The following CFAP46 variants were observed in gnomAD, a reference collection of about 807,000 sequenced individuals.
The protein encoded by CFAP46 is cilia and flagella associated protein 46.
A neutral mutation model predicts 325.7 loss-of-function variants in CFAP46; 245 were observed. The ratio of observed to expected loss-of-function variants is 0.75; its 90% CI spans 0.68 to 0.84. The LOEUF is 0.84. Ranked by LOEUF, CFAP46 falls within the 40% of genes least tolerant of loss-of-function variation. The pLI is 0.00. For synonymous variants in CFAP46, 1,523 were observed against 1,495.9 expected (o/e 1.02, Z -0.42); for missense variants, 3,346 against 3,543.0 (o/e 0.94, Z 1.41).
Position 132,827,553 on chromosome 10 carries a change from G to A in CFAP46, c.7117+5805C>T, listed in dbSNP as rs1187849531. Among the ~76,000 whole-genome samples the A allele has an allele frequency of 3.9e-5, 6 of 152,018 alleles. No individual in the cohort carries two copies. Among genetic ancestry groups the A allele is most frequent in the Non-Finnish European group, 8.8e-5 (6 of 68,032 alleles). On this transcript the variant is annotated intron_variant, in intron 50 of 57. Transcript: ENST00000368586. The surrounding 1 kb of genome is among the most constrained non-coding windows in gnomAD (Gnocchi z 5.7). ...CCACGAGGCCTTGGGGTCACAGGAAGGCTCGGAGTGCCAGAGTACAGAGTC... is the reference window on the plus strand; with the variant it reads ...CCACGAGGCCTTGGGGTCACAGGAAAGCTCGGAGTGCCAGAGTACAGAGTC...
chr10:132,842,301 C>T (rs370710248), intron 44 of CFAP46, among the ~76,000 whole-genome samples: 145 of 152,320 alleles, frequency 9.5e-4, no homozygotes, highest in South Asian at 8.3e-3. Context: ...TAATTTATGA[C>T]GAGGCTGGCC....
At chr10:132,858,594 C>G (rs940681996) in intron 38 of CFAP46, among the ~76,000 whole-genome samples, 1 of 152,052 alleles carries the variant, frequency 6.6e-6, no homozygotes, top group Non-Finnish European at 1.5e-5. Context: ...ATGCCGTCTG[C>G]GGCCGCGCTA....
chr10:132,810,339 G>T, intron 57 of CFAP46, 70 bp downstream of exon 57: 1 of 1,296,884 alleles, frequency 7.7e-7, no homozygotes, highest in Non-Finnish European at 1.1e-6. Context: ...GCTGTGCAGT[G>T]CACGTGCCCC....
chr10:132,881,834 C>G lies in CFAP46; in HGVS notation c.3628-802G>C, dbSNP rs146722686. On this transcript the variant is annotated intron_variant, in intron 27 of 57. Transcript: ENST00000368586. The stretch of plus-strand genomic sequence containing the variant: ...TTTCTGCTGTCAAATATCTGTGGCT[C>G]TCTGAGCGCTGGCCCATGCCACTTA... Among the ~76,000 whole-genome samples the G allele has an allele frequency of 9.2e-3, 1,408 of 152,388 alleles. 12 individuals are homozygous for G. The highest frequency in any genetic ancestry group is 0.043 in the South Asian group (209 of 4,830).
intron 24 of CFAP46, among the ~76,000 whole-genome samples, chr10:132,897,957 C>T (rs1849340321): frequency 1.3e-5 from 2 of 150,134 alleles, no homozygotes; most frequent in Admixed American, 6.6e-5. Context: ...TCTGTAGCCG[C>T]ACCCACTGTC....
In CFAP46 at chr10:132,822,134, CTGTG is replaced by C. The variant is rs1189840776; in HGVS notation, c.7118-7224_7118-7221del. 1.3e-3 allele frequency among the ~76,000 whole-genome samples: 151 copies of C among 113,710 alleles called. 4 individuals carry two copies. In the East Asian group the frequency reaches 0.042, roughly 31 times the overall value. The allele number at this position is 113,710 out of a possible 152,430, so 74.6% of individuals were successfully genotyped here. On this transcript the variant is annotated intron_variant, in intron 50 of 57. Coordinates refer to ENST00000368586, the MANE Select transcript of CFAP46 (RefSeq NM_001200049.3). ...TGTGCTGTGTGTGCACTTGTGTGTGCTGTGTGTGTGCTGATGTGTGCTGTGTGCT... is the reference window on the plus strand; with the variant it reads ...TGTGCTGTGTGTGCACTTGTGTGTGCTGTGTGCTGATGTGTGCTGTGTGCT...
chr10:132,888,277 C>G (rs1481477065), intron 25 of CFAP46, among the ~76,000 whole-genome samples: 2 of 151,592 alleles, frequency 1.3e-5, no homozygotes, highest in Non-Finnish European at 2.9e-5. Context: ...CCTCACCTGG[C>G]TCCCATCCTG....
intron 8 of CFAP46, among the ~76,000 whole-genome samples, chr10:132,933,279 C>T (rs1050612631): frequency 1.3e-5 from 2 of 152,240 alleles, no homozygotes; most frequent in Non-Finnish European, 2.9e-5. Flanking sequence ...CTGGCCTCTC[C>T]GTCCTACCTG....
chr10:132,922,519 A>G lies in CFAP46; in HGVS notation c.1446T>C (p.Pro482=), dbSNP rs1185115738. 1.3e-6 allele frequency: 2 copies of G among 1,546,142 alleles called. No individual in the cohort carries two copies. Among genetic ancestry groups the G allele is most frequent in the Admixed American group, 3.9e-5 (2 of 50,980 alleles). Residue 482 remains proline, a synonymous_variant, in exon 12 of 58, where the codon CCT becomes CCC. Coordinates refer to ENST00000368586, the MANE Select transcript of CFAP46 (RefSeq NM_001200049.3). ...LRLCTTLYQA[P]ERAEDKAIMA... is the part of the protein sequence containing the mutation. ...TGATGGCCTTGTCCTCTGCGCGCTC[A>G]GGGGCCTGGTATAGCGTGGTGCACA...
intron 50 of CFAP46, among the ~76,000 whole-genome samples, chr10:132,831,220 C>CTGTG (rs56965336): frequency 0.45 from 66,896 of 147,966 alleles, 15,190 homozygotes; most frequent in Admixed American, 0.58. Context: ...GTCAAATGTT[C>CTGTG]TGTGTGTGTG....
chr10:132,904,599 G>A (rs545407579), intron 22 of CFAP46, among the ~76,000 whole-genome samples: 1 of 152,182 alleles, frequency 6.6e-6, no homozygotes, highest in Non-Finnish European at 1.5e-5. Flanking sequence ...GCAGTGGCAC[G>A]GCCAGGGCGC....
At chr10:132,935,716 T>C (rs1296506508) in intron 7 of CFAP46, among the ~76,000 whole-genome samples, 6 of 110,144 alleles carry the variant, frequency 5.4e-5, no homozygotes, top group South Asian at 3.2e-4. Flanking sequence ...ATCTCCTCAC[T>C]CCCCTCGGCA....
intron 26 of CFAP46, 127 bp from the exon 27 acceptor site, chr10:132,885,413 G>C: frequency 2.0e-6 from 2 of 982,044 alleles, no homozygotes; most frequent in Non-Finnish European, 1.5e-6. Context: ...GAGCCCAGGT[G>C]AGCGGGGGTC....
At chr10:132,880,118 A>ATGTG (rs142292189) in intron 28 of CFAP46, among the ~76,000 whole-genome samples, 548 of 150,640 alleles carry the variant, frequency 3.6e-3, no homozygotes, top group African/African-American at 8.0e-3. Context: ...GTGTGCATGT[A>ATGTG]TGTGTGTGTG....
chr10:132,907,570 A>C (rs1161387805), intron 22 of CFAP46, among the ~76,000 whole-genome samples: 2 of 152,182 alleles, frequency 1.3e-5, no homozygotes, highest in African/African-American at 4.8e-5. Flanking sequence ...ATATCTGTCT[A>C]TTCAAAATTA....
chr10:132,824,662 T>C, intron 50 of CFAP46, among the ~76,000 whole-genome samples: 2 of 109,546 alleles, frequency 1.8e-5, no homozygotes, highest in Admixed American at 1.9e-4. Flanking sequence ...TGCTGTGTGC[T>C]GACGTGTGCT....
chr10:132,852,570 A>G (rs1472840593), intron 39 of CFAP46, among the ~76,000 whole-genome samples: 1 of 151,804 alleles, frequency 6.6e-6, no homozygotes, highest in Non-Finnish European at 1.5e-5. Context: ...ATGTTTCTCT[A>G]TTTACTTAGC....
chr10:132,818,910 A>G (rs988153201), intron 50 of CFAP46, among the ~76,000 whole-genome samples: 2 of 152,090 alleles, frequency 1.3e-5, no homozygotes, highest in African/African-American at 4.8e-5. Flanking sequence ...AGAAAAAAAG[A>G]TGTGAAATTA....
At chr10:132,917,260 T>C (rs959814117) in intron 16 of CFAP46, among the ~76,000 whole-genome samples, 8 of 152,264 alleles carry the variant, frequency 5.3e-5, no homozygotes, top group Non-Finnish European at 1.2e-4. Flanking sequence ...CCAGGGCTGA[T>C]GGCCACGCAC....
Sources: gnomAD v4.1 joint callset for allele counts (sites outside exome capture counted in the v4.1 genomes callset) on GRCh38, gnomAD v4.1.1 for gene constraint, Gnocchi (gnomAD v3.1) non-coding constraint, MANE v1.5 for transcripts, NCBI Gene and HGNC (gene_info 2026-07-23, HGNC 2026-07-21) for gene names.